The following KLHL15 variants were observed in gnomAD, a reference collection of about 807,000 sequenced individuals.
The protein encoded by KLHL15 is kelch-like protein 15.
KLHL15 carries 1 observed loss-of-function variant against 29.3 expected under a neutral mutation model. That is an observed-to-expected ratio of 0.03 (90% confidence interval 0.01 to 0.16). The LOEUF (loss-of-function observed/expected upper bound fraction) is 0.16. KLHL15 is among the 10% of genes least tolerant of loss of function. KLHL15 has a pLI of 1.00. For missense variants in KLHL15, 215 were observed against 478.5 expected, an observed-to-expected ratio of 0.45 and a Z score of 5.14; for synonymous variants, 212 against 184.5, an observed-to-expected ratio of 1.15 and a Z score of -1.21.
intron 3 of KLHL15, among the ~76,000 whole-genome samples, chrX:23,996,255 G>A (rs935271272): frequency 9.0e-6 from 1 of 111,565 alleles, no homozygotes; most frequent in Non-Finnish European, 1.9e-5. Flanking sequence ...CTAATCGCTC[G>A]AATGACAAGT....
chrX:24,017,201 G>A (rs1179633705), intron 2 of KLHL15, among the ~76,000 whole-genome samples: 1 of 90,044 alleles, frequency 1.1e-5, no homozygotes, highest in African/African-American at 4.7e-5. Flanking sequence ...AACAAACTAA[G>A]AGCCTGTCTC....
intron 2 of KLHL15, among the ~76,000 whole-genome samples, chrX:24,010,538 G>A (rs1307734071): frequency 8.9e-6 from 1 of 112,239 alleles, no homozygotes; most frequent in African/African-American, 3.2e-5. Context: ...AAATCTCTGG[G>A]ATACTACAGC....
At position 23,987,850 on chromosome X, in the gene KLHL15, A is replaced by C; in HGVS notation, c.*71T>G. ...AGTAAAACTGGTGAGGTTTTTCTTTATATGTTTTAATTAATTACTCTGTGC... is the reference window on the plus strand; with the variant it reads ...AGTAAAACTGGTGAGGTTTTTCTTTCTATGTTTTAATTAATTACTCTGTGC... On this transcript the variant is annotated 3_prime_UTR_variant, in exon 4 of 4. Coordinates refer to ENST00000328046, the MANE Select transcript of KLHL15 (RefSeq NM_030624.3). 1.0e-6 allele frequency: 1 copy of C among 990,409 alleles called. No homozygotes were observed. Among genetic ancestry groups the C allele is most frequent in the Non-Finnish European group, 1.4e-6 (1 of 727,511 alleles). 81.6% of individuals were successfully genotyped at this position (990,409 alleles called of 1,213,427 possible).
intron 2 of KLHL15, among the ~76,000 whole-genome samples, chrX:24,008,230 G>A (rs762459092): frequency 9.0e-6 from 1 of 111,725 alleles, no homozygotes; most frequent in Non-Finnish European, 1.9e-5. Flanking sequence ...TAAATACAGC[G>A]GAATAAACTA....
At chrX:24,021,642 A>G (rs1929806320) in intron 2 of KLHL15, among the ~76,000 whole-genome samples, 1 of 111,872 alleles carries the variant, frequency 8.9e-6, no homozygotes, top group Non-Finnish European at 1.9e-5. Flanking sequence ...GCAACCTTCC[A>G]TGTTTTGTAT....
At position 23,988,011 on chromosome X, in the gene KLHL15, G is replaced by A. The variant is rs1328431820; in HGVS notation, c.1725C>T (p.Tyr575=). 1 of 1,208,873 alleles carries A rather than the reference G, an allele frequency of 8.3e-7. No individual in the cohort carries two copies. Among genetic ancestry groups the A allele is most frequent in the East Asian group, 3.0e-5 (1 of 33,771 alleles). The change falls in exon 4 of 4, where the codon TAC becomes TAT. Residue 575 remains tyrosine (Y), a synonymous_variant. Coordinates refer to ENST00000328046, the MANE Select transcript of KLHL15 (RefSeq NM_030624.3). ...PDENKWKEDE[Y]PRMPCKLDGL... is the part of the protein sequence containing the mutation. The stretch of plus-strand genomic sequence containing the variant: ...CATCCAGCTTGCAGGGCATCCGAGG[G>A]TACTCATCTTCCTTCCACTTGTTTT...
rs769943525 is a variant in KLHL15, at chrX:24,016,799, T to A, written c.-8+8058A>T. On this transcript the variant is annotated intron_variant, in intron 2 of 3. Transcript: ENST00000328046. Reference sequence around the variant, plus strand: ...AGTACACTGTAACATTAAGGCTTATTATCATGCCCCTTCGTGTGGTACTAC... The same window carrying A: ...AGTACACTGTAACATTAAGGCTTATAATCATGCCCCTTCGTGTGGTACTAC... Among the ~76,000 whole-genome samples the A allele has an allele frequency of 2.7e-5, 3 of 111,619 alleles. No homozygotes were observed. The South Asian group carries it at 1.1e-3, about 41-fold the overall frequency.
At chrX:23,993,248 C>T (rs1260398978) in intron 3 of KLHL15, among the ~76,000 whole-genome samples, 1 of 96,993 alleles carries the variant, frequency 1.0e-5, no homozygotes, top group Non-Finnish European at 2.0e-5. Context: ...TTTCTGCAAT[C>T]TGTGTGGAAT....
intron 2 of KLHL15, among the ~76,000 whole-genome samples, chrX:24,011,557 T>C (rs576062136): frequency 7.1e-4 from 80 of 112,017 alleles, no homozygotes; most frequent in African/African-American, 2.5e-3. Flanking sequence ...GGCACGAGAA[T>C]TGCTTGAACC....
intron 2 of KLHL15, among the ~76,000 whole-genome samples, chrX:24,014,737 T>C (rs1431121972): frequency 8.9e-6 from 1 of 112,000 alleles, no homozygotes; most frequent in African/African-American, 3.2e-5. Flanking sequence ...GAGGGATTCC[T>C]AGCAGGCAGC....
chrX:23,991,843 AAAC>A lies in KLHL15; in HGVS notation c.706-2816_706-2814del, dbSNP rs759375128. Among the ~76,000 whole-genome samples, 16 of 112,083 alleles carry A rather than the reference AAAC, an allele frequency of 1.4e-4. No individual in the cohort carries two copies. In the South Asian group the frequency reaches 3.3e-3, roughly 23 times the overall value. On this transcript the variant is annotated intron_variant, in intron 3 of 3. Transcript: ENST00000328046. ...GACAGAGCAAGACTCCATCTCGAAA[AAAC>A]AACAACAAAAACCTGAAAAAAACAA...
chrX:24,008,023 C>G (rs1279862299), intron 2 of KLHL15, among the ~76,000 whole-genome samples: 1 of 110,884 alleles, frequency 9.0e-6, no homozygotes, highest in Non-Finnish European at 1.9e-5. Flanking sequence ...AAATATATAC[C>G]AAAATAATGT....
At chrX:24,027,094 T>A (rs1010317982) in intron 1 of KLHL15, 46 bp downstream of exon 1, 9 of 112,524 alleles carry the variant, frequency 8.0e-5, no homozygotes, top group Non-Finnish European at 1.5e-4. Flanking sequence ...TGGATTTTTG[T>A]ACATTAACTA....
intron 3 of KLHL15, among the ~76,000 whole-genome samples, chrX:24,002,778 G>T (rs7061998): frequency 9.2e-4 from 102 of 110,833 alleles, no homozygotes; most frequent in African/African-American, 3.2e-3. Flanking sequence ...CCAGGCATGT[G>T]CCCCCACACC....
intron 2 of KLHL15, among the ~76,000 whole-genome samples, chrX:24,014,007 C>T (rs964638074): frequency 1.8e-5 from 2 of 109,252 alleles, no homozygotes; most frequent in African/African-American, 3.3e-5. Context: ...GTGGCTTGTG[C>T]CTGTAATCCA....
intron 2 of KLHL15, among the ~76,000 whole-genome samples, chrX:24,007,491 CAAAAAAAA>C (rs1173565203): frequency 4.8e-5 from 3 of 62,326 alleles, no homozygotes; most frequent in African/African-American, 1.5e-4. Context: ...ACCCCATTTC[CAAAAAAAA>C]AAAAAAAAAA....
At chrX:24,018,764 G>C (rs1022530063) in intron 2 of KLHL15, among the ~76,000 whole-genome samples, 2 of 111,478 alleles carry the variant, frequency 1.8e-5, no homozygotes, top group Non-Finnish European at 3.8e-5. Flanking sequence ...CACCTTGGGA[G>C]GTAGAGGTGG....
chrX:24,011,686 C>A (rs1012586435), intron 2 of KLHL15, among the ~76,000 whole-genome samples: 2 of 110,884 alleles, frequency 1.8e-5, no homozygotes, highest in African/African-American at 3.3e-5. Context: ...ATCTGTAGTC[C>A]TGGCTACTCG....
intron 2 of KLHL15, among the ~76,000 whole-genome samples, chrX:24,014,383 C>G (rs1238660625): frequency 1.8e-5 from 2 of 111,712 alleles, no homozygotes; most frequent in Non-Finnish European, 3.8e-5. Context: ...CCACACTTCA[C>G]TTCATGTCAA....
Sources: allele counts gnomAD v4.1 joint callset (sites outside exome capture counted in the v4.1 genomes callset), GRCh38; gene constraint gnomAD v4.1.1; transcripts MANE v1.5; gene names NCBI Gene and HGNC (gene_info 2026-07-23, HGNC 2026-07-21).